Variants in TBXA2R observed in about 807,000 individuals in gnomAD.
TBXA2R encodes the protein thromboxane A2 receptor, also known as prostanoid TP receptor.
TBXA2R carries 15 observed loss-of-function variants against 15.6 expected under a neutral mutation model. The ratio of observed to expected loss-of-function variants is 0.96; its 90% CI spans 0.64 to 1.48. The LOEUF (loss-of-function observed/expected upper bound fraction) is 1.48, where lower values mean the gene tolerates loss of function less well. Among genes scored for constraint, TBXA2R ranks in the 40% most tolerant of loss-of-function variants. The probability of loss-of-function intolerance (pLI) is 0.00; values close to 1 mark genes in which losing one functional copy is unlikely to be tolerated. For missense variants in TBXA2R, 506 were observed against 491.4 expected, an observed-to-expected ratio of 1.03 and a Z score of -0.28; for synonymous variants, 280 against 241.2, an observed-to-expected ratio of 1.16 and a Z score of -1.49.
intron 1 of TBXA2R, 62 bp downstream of exon 1, chr19:3,606,468 C>CCAGCAGCCCGGGCTCA (rs1168721908): frequency 6.6e-6 from 1 of 152,520 alleles, no homozygotes; most frequent in Non-Finnish European, 1.5e-5. Context: ...CCGGATGCGC[C>CCAGCAGCCCGGGCTCA]CAGCAGCCCG....
At chr19:3,599,098 T>C (rs914660694) in intron 2 of TBXA2R, among the ~76,000 whole-genome samples, 3 of 152,218 alleles carry the variant, frequency 2.0e-5, no homozygotes, top group Admixed American at 6.5e-5. Context: ...AGTAGTTTTA[T>C]TGGCCACAGC....
At chr19:3,595,979 G>A (rs1009684269) in intron 2 of TBXA2R, 46 bp from the exon 3 acceptor site, 22 of 1,555,200 alleles carry the variant, frequency 1.4e-5, no homozygotes, top group Middle Eastern at 2.2e-4. Context: ...CTCCAGCCCC[G>A]CCCGCCCCGG....
chr19:3,598,650 C>A (rs546971042), intron 2 of TBXA2R, among the ~76,000 whole-genome samples: 2 of 150,524 alleles, frequency 1.3e-5, no homozygotes, highest in East Asian at 3.9e-4. Context: ...CCGTGGCTGG[C>A]CTGTTTTTGT....
Position 3,600,213 on chromosome 19 carries a change from G to C in TBXA2R, c.422C>G (p.Pro141Arg). 1 of 1,605,056 alleles carries C rather than the reference G, an allele frequency of 6.2e-7. No individual in the cohort carries two copies. The highest frequency in any genetic ancestry group is 8.5e-7 in the Non-Finnish European group (1 of 1,176,770). ...YLGITRPFSR[P>R]AVASQRRAWA... is the part of the protein sequence containing the mutation. ...GGCGCGGCGCTGCGAGGCGACCGCC[G>C]GGCGCGAGAAGGGCCGGGTGATACC... Residue 141 changes from proline (P) to arginine (R), a missense_variant, in exon 2 of 3, where the codon CCG becomes CGG. By Grantham distance (103) the Pro-to-Arg change is moderately radical. Transcript: ENST00000375190.
chr19:3,601,260 G>A (rs1178564270), intron 1 of TBXA2R, among the ~76,000 whole-genome samples: 1 of 151,962 alleles, frequency 6.6e-6, no homozygotes, highest in Non-Finnish European at 1.5e-5. Flanking sequence ...CAGGCGCAGT[G>A]GCTCACGCCT....
intron 1 of TBXA2R, among the ~76,000 whole-genome samples, chr19:3,601,350 G>A (rs578170352): frequency 3.5e-5 from 5 of 144,016 alleles, no homozygotes; most frequent in South Asian, 4.4e-4. Context: ...CCAACATAGC[G>A]AGACCCTATC....
chr19:3,603,056 G>C (rs889397740), intron 1 of TBXA2R, among the ~76,000 whole-genome samples: 7 of 152,104 alleles, frequency 4.6e-5, no homozygotes, highest in African/African-American at 1.7e-4. Context: ...AAAAAGTCGG[G>C]GTTGCTGATG....
intron 2 of TBXA2R, among the ~76,000 whole-genome samples, chr19:3,599,503 T>G (rs376118280): frequency 9.9e-5 from 15 of 152,218 alleles, no homozygotes; most frequent in African/African-American, 3.6e-4. Flanking sequence ...CTAATTTTTT[T>G]GCATTTTTAG....
chr19:3,603,073 G>A (rs1018660632), intron 1 of TBXA2R, among the ~76,000 whole-genome samples: 15 of 152,068 alleles, frequency 9.9e-5, no homozygotes, highest in Non-Finnish European at 1.8e-4. Context: ...GATGACGGGA[G>A]TGAAGGGATC....
intron 1 of TBXA2R, among the ~76,000 whole-genome samples, chr19:3,602,317 G>T (rs1230828064): frequency 6.6e-6 from 1 of 152,208 alleles, no homozygotes; most frequent in Non-Finnish European, 1.5e-5. Context: ...AGGAGGCTAG[G>T]ATGGAACCCG....
At position 3,594,899 on chromosome 19, in the gene TBXA2R, A is replaced by T; in HGVS notation, c.*789T>A. 17 of 1,536,842 alleles carry T rather than the reference A, an allele frequency of 1.1e-5. No individual in the cohort carries two copies. Among genetic ancestry groups the T allele is most frequent in the Non-Finnish European group, 1.5e-5 (17 of 1,146,854 alleles). On this transcript the variant is annotated 3_prime_UTR_variant, in exon 3 of 3. Coordinates refer to ENST00000375190, the MANE Select transcript of TBXA2R (RefSeq NM_001060.6). ...CAAAAGGAAGCAACTGTACCCCAGC[A>T]AGTAGGTCAAATTCAGGGTCAAAGA...
At chr19:3,602,916 G>A (rs1212872401) in intron 1 of TBXA2R, among the ~76,000 whole-genome samples, 1 of 150,988 alleles carries the variant, frequency 6.6e-6, no homozygotes, top group Non-Finnish European at 1.5e-5. Context: ...GGCGCCCGTA[G>A]TCCCAGCTAC....
intron 1 of TBXA2R, among the ~76,000 whole-genome samples, chr19:3,603,854 A>G (rs34960326): frequency 0.02 from 3,008 of 152,138 alleles, 109 homozygotes; most frequent in African/African-American, 0.069. Context: ...AAGGATGCCA[A>G]TGGGGGGACC....
chr19:3,596,993 G>T (rs1185611193), intron 2 of TBXA2R, among the ~76,000 whole-genome samples: 1 of 147,782 alleles, frequency 6.8e-6, no homozygotes, highest in Non-Finnish European at 1.5e-5. Flanking sequence ...AGGCTGGAGT[G>T]AAATGGCAGG....
intron 1 of TBXA2R, among the ~76,000 whole-genome samples, chr19:3,602,872 T>A (rs1015364173): frequency 6.7e-6 from 1 of 150,356 alleles, no homozygotes. Flanking sequence ...CCGTCTCTAC[T>A]AAAAATACAA....
Position 3,594,825 on chromosome 19 carries a change from C to A in TBXA2R, c.*863G>T. 6.5e-7 allele frequency: 1 copy of A among 1,533,144 alleles called. No individual in the cohort carries two copies. The highest frequency in any genetic ancestry group is 2.4e-5 in the East Asian group (1 of 40,868). 95.0% of individuals were successfully genotyped at this position (1,533,144 alleles called of 1,614,324 possible). A position where few individuals can be genotyped will look rare whatever the true frequency, so the allele number is the denominator to read the frequency against. ...TATTTTGGCAAGAAAAGGGGGTGCC[C>A]CCGTTCACATTCAATCCTTTCTGGA... is the stretch of plus-strand genomic sequence containing the variant. On this transcript the variant is annotated 3_prime_UTR_variant, in exon 3 of 3. Transcript: ENST00000375190.
intron 2 of TBXA2R, among the ~76,000 whole-genome samples, chr19:3,596,356 GGGT>G (rs1276956238): frequency 9.2e-5 from 14 of 152,084 alleles, no homozygotes; most frequent in Admixed American, 9.2e-4. Flanking sequence ...CTGCATTGCT[GGGT>G]GACCTCAGGA....
intron 1 of TBXA2R, among the ~76,000 whole-genome samples, chr19:3,605,148 C>A (rs2032805932): frequency 6.6e-6 from 1 of 152,244 alleles, no homozygotes; most frequent in African/African-American, 2.4e-5. Flanking sequence ...CACATGGCCC[C>A]CTGTGAGCCT....
In TBXA2R at chr19:3,600,660, C is replaced by T. The variant is rs201561095; in HGVS notation, c.-26G>A. The T allele has an allele frequency of 1.9e-6, 3 of 1,609,314 alleles. No individual in the cohort carries two copies. Among genetic ancestry groups the T allele is most frequent in the Non-Finnish European group, 2.5e-6 (3 of 1,178,420 alleles). On this transcript the variant is annotated 5_prime_UTR_variant, in exon 2 of 3. An upstream open reading frame in the 5' UTR loses its in-frame stop. Transcript: ENST00000375190. Reference sequence around the variant, plus strand: ...GGCTCCGGAGCCCTGAGGGATCAGTCACCACCCCATCAGGCCGATGCTGCA... The same window carrying T: ...GGCTCCGGAGCCCTGAGGGATCAGTTACCACCCCATCAGGCCGATGCTGCA...
Sources: allele counts gnomAD v4.1 joint callset (sites outside exome capture counted in the v4.1 genomes callset), GRCh38; gene constraint gnomAD v4.1.1; transcripts MANE v1.5; gene names NCBI Gene and HGNC (gene_info 2026-07-23, HGNC 2026-07-21).